The following ARFGEF3 variants were observed in gnomAD, a reference collection of about 807,000 sequenced individuals.
The protein encoded by ARFGEF3 is ARFGEF family member 3, also known as brefeldin A-inhibited guanine nucleotide-exchange protein 3.
In ARFGEF3, 96 loss-of-function variants were observed where a neutral mutation model predicts 221.7. The ratio of observed to expected loss-of-function variants is 0.43; its 90% CI spans 0.37 to 0.51. The LOEUF is 0.51. Ranked by LOEUF, ARFGEF3 falls within the 20% of genes least tolerant of loss-of-function variation. The pLI, the probability that ARFGEF3 is intolerant of heterozygous loss-of-function variation, is 0.00. For synonymous variants in ARFGEF3, 1,145 were observed against 1,126.8 expected (o/e 1.02, Z -0.32); for missense variants, 2,410 against 2,789.9 (o/e 0.86, Z 3.07).
intron 1 of ARFGEF3, among the ~76,000 whole-genome samples, chr6:138,164,882 CCAT>C (rs1173815306): frequency 1.3e-5 from 2 of 152,192 alleles, no homozygotes; most frequent in African/African-American, 4.8e-5. Flanking sequence ...CCCACTTAGA[CCAT>C]CATGTGATGG....
chr6:138,222,515 A>G (rs1777999933), intron 4 of ARFGEF3, among the ~76,000 whole-genome samples: 1 of 152,150 alleles, frequency 6.6e-6, no homozygotes, highest in Admixed American at 6.5e-5. Flanking sequence ...CACAACTGGC[A>G]GTGGGAAGGA....
chr6:138,275,391 C>A (rs1048303811), intron 12 of ARFGEF3, among the ~76,000 whole-genome samples: 1 of 152,084 alleles, frequency 6.6e-6, no homozygotes, highest in African/African-American at 2.4e-5. Flanking sequence ...TGGCAGAGAT[C>A]TTGAATTATT....
chr6:138,235,466 G>A (rs1778268085), intron 5 of ARFGEF3, among the ~76,000 whole-genome samples: 1 of 152,178 alleles, frequency 6.6e-6, no homozygotes, highest in African/African-American at 2.4e-5. Context: ...AAAGAGCATG[G>A]GCAGGTAGAA....
rs1390294316 is a variant in ARFGEF3, at chr6:138,261,587, T to C, written c.1165T>C (p.Ser389Pro). Reference protein sequence around the residue: ...LAGPSSTESESRKRSISKRKS... With the variant: ...LAGPSSTESEPRKRSISKRKS... ...AGGACCCAGCTCCACTGAATCAGAG[T>C]CCAGAAAAAGATCAATTTCAAAAAG... Residue 389 changes from serine to proline, a missense_variant, in exon 11 of 34, where the codon TCC becomes CCC. By Grantham distance (74) the Ser-to-Pro change is moderately conservative. Transcript: ENST00000251691. 6.3e-7 allele frequency: 1 copy of C among 1,578,856 alleles called. No individual in the cohort carries two copies.
chr6:138,276,172 C>T (rs1278211744), intron 12 of ARFGEF3, among the ~76,000 whole-genome samples: 2 of 152,094 alleles, frequency 1.3e-5, no homozygotes, highest in Non-Finnish European at 2.9e-5. Context: ...GAGGAGATGA[C>T]AGTGTAAGGA....
Position 138,336,463 on chromosome 6 carries a change from C to A in ARFGEF3, c.6511C>A (p.Arg2171Ser). The change falls in exon 34 of 34, where the codon CGT becomes AGT. Residue 2171 changes from arginine to serine, a missense_variant. Coordinates refer to ENST00000251691, the MANE Select transcript of ARFGEF3 (RefSeq NM_020340.5). ...GAGGGAGTGGCTGGGCAGGGTGGGC[C>A]GTGTCTATGACATCATTGTGTAGCC... ...AVREWLGRVG[R>S]VYDIIV 1.2e-6 allele frequency: 2 copies of A among 1,610,246 alleles called. No individual in the cohort carries two copies. The highest frequency in any genetic ancestry group is 1.7e-6 in the Non-Finnish European group (2 of 1,178,254).
rs778641793 is a variant in ARFGEF3 at position 138,263,609 on chromosome 6, C to T, written c.2126C>T (p.Ser709Leu). The T allele has an allele frequency of 6.3e-6, 10 of 1,593,796 alleles. 1 individual carries two copies. The South Asian group carries it at 7.8e-5, about 12-fold the overall frequency. Reference protein sequence around the residue: ...ALQNFASTFCSGMMHSPGFDG... With the variant: ...ALQNFASTFCLGMMHSPGFDG... Reference sequence around the variant, plus strand: ...CAGAACTTTGCCTCTACTTTCTGCTCAGGTTTGTAAACAATTCTCTGCTGT... The same window carrying T: ...CAGAACTTTGCCTCTACTTTCTGCTTAGGTTTGTAAACAATTCTCTGCTGT... The change falls in exon 12 of 34, where the codon TCA becomes TTA. Residue 709 changes from serine to leucine, a missense_variant and splice_region_variant. Physicochemically the swap from Ser to Leu is moderately radical, Grantham distance 145. Around this residue, in one of 5 missense-constraint regions of ARFGEF3, gnomAD observed 594 missense variants for 734.3 expected, o/e 0.81. Transcript: ENST00000251691.
chr6:138,181,317 A>G (rs1777075972), intron 2 of ARFGEF3, among the ~76,000 whole-genome samples: 1 of 152,168 alleles, frequency 6.6e-6, no homozygotes, highest in Non-Finnish European at 1.5e-5. Context: ...AGCCATGGCC[A>G]CTCATCCTCT....
At chr6:138,311,614 T>A in intron 25 of ARFGEF3, 104 bp downstream of exon 25, 1 of 750,336 alleles carries the variant, frequency 1.3e-6, no homozygotes, top group East Asian at 2.7e-5. Context: ...GAGAGACACT[T>A]TGCCGTCTGA....
chr6:138,191,754 C>G (rs917056511), intron 2 of ARFGEF3, among the ~76,000 whole-genome samples: 1 of 152,150 alleles, frequency 6.6e-6, no homozygotes, highest in East Asian at 1.9e-4. Context: ...TTCCTCAAAA[C>G]TGTTCTTTCA....
chr6:138,165,900 C>T (rs1017798344), intron 1 of ARFGEF3, among the ~76,000 whole-genome samples: 1 of 152,214 alleles, frequency 6.6e-6, no homozygotes, highest in Non-Finnish European at 1.5e-5. Context: ...CTTGGTTTCC[C>T]TTGTTCTCTT....
chr6:138,319,159 C>T (rs562174360), intron 27 of ARFGEF3, among the ~76,000 whole-genome samples: 4 of 150,978 alleles, frequency 2.6e-5, no homozygotes, highest in African/African-American at 7.3e-5. Context: ...ACAATGTCGC[C>T]CAAGCTAGTC....
In ARFGEF3 at chr6:138,307,273, G is replaced by A; in HGVS notation, c.3849G>A (p.Glu1283=). 6.2e-7 allele frequency: 1 copy of A among 1,613,748 alleles called. No homozygotes were observed. Among genetic ancestry groups the A allele is most frequent in the Non-Finnish European group, 8.5e-7 (1 of 1,179,724 alleles). Residue 1283 remains glutamate, a synonymous_variant, in exon 23 of 34, where the codon GAG becomes GAA. Coordinates refer to ENST00000251691, the MANE Select transcript of ARFGEF3 (RefSeq NM_020340.5). ...ACCAGGTTGTCACATCCATTGGTGA[G>A]CTGGTTGAAGTGTGTTCCACGCAGA... The part of the protein sequence containing the change: ...VQDQVVTSIG[E]LVEVCSTQIQ...
intron 2 of ARFGEF3, among the ~76,000 whole-genome samples, chr6:138,190,340 C>T (rs571225139): frequency 6.6e-6 from 1 of 151,858 alleles, no homozygotes; most frequent in Admixed American, 6.6e-5. Flanking sequence ...GGAATGCTAA[C>T]AGGGCAAGCA....
intron 26 of ARFGEF3, among the ~76,000 whole-genome samples, chr6:138,316,834 T>C (rs373599235): frequency 3.3e-5 from 5 of 152,328 alleles, no homozygotes; most frequent in South Asian, 4.1e-4. Context: ...TACCTCTGAA[T>C]TGTACTCGTA....
intron 2 of ARFGEF3, among the ~76,000 whole-genome samples, chr6:138,182,660 T>C (rs1242646583): frequency 6.6e-6 from 1 of 152,220 alleles, no homozygotes; most frequent in Non-Finnish European, 1.5e-5. Context: ...AGTCTGGAAT[T>C]GATGTGAATA....
rs1371763499 is a variant in ARFGEF3, at chr6:138,340,768, C to T, written c.*4282C>T. 6.6e-6 allele frequency: 1 copy of T among 152,032 alleles called. No individual in the cohort carries two copies. Among genetic ancestry groups the T allele is most frequent in the African/African-American group, 2.4e-5 (1 of 41,368 alleles). 9.4% of individuals were successfully genotyped at this position (152,032 alleles called of 1,614,324 possible). ...AAGAGGTGTTTCTGAATTCAAGGGCCATACTCTCTCTCTGACAACATGCTC... is the reference window on the plus strand; with the variant it reads ...AAGAGGTGTTTCTGAATTCAAGGGCTATACTCTCTCTCTGACAACATGCTC... On this transcript the variant is annotated 3_prime_UTR_variant, in exon 34 of 34. Coordinates refer to ENST00000251691, the MANE Select transcript of ARFGEF3 (RefSeq NM_020340.5).
At chr6:138,297,272 T>C (rs1456704748) in intron 21 of ARFGEF3, among the ~76,000 whole-genome samples, 1 of 152,224 alleles carries the variant, frequency 6.6e-6, no homozygotes, top group African/African-American at 2.4e-5. Flanking sequence ...TGGTTCCTAA[T>C]AGCTTTATTT....
At chr6:138,202,182 G>A (rs908567283) in intron 2 of ARFGEF3, among the ~76,000 whole-genome samples, 4 of 152,212 alleles carry the variant, frequency 2.6e-5, no homozygotes, top group East Asian at 1.9e-4. Flanking sequence ...ATCGCCTAAT[G>A]TAATCGAATG....
Sources: allele counts gnomAD v4.1 joint callset (sites outside exome capture counted in the v4.1 genomes callset), GRCh38; gene constraint gnomAD v4.1.1; regional missense constraint gnomAD v4.1.1; transcripts MANE v1.5; gene names NCBI Gene and HGNC (gene_info 2026-07-23, HGNC 2026-07-21).